The following TK1 variants were observed in gnomAD, a reference collection of about 807,000 sequenced individuals.
TK1 encodes thymidine kinase, cytosolic.
TK1 carries 13 observed loss-of-function variants against 22.4 expected under a neutral mutation model. The observed-to-expected ratio is 0.58, with a 90% CI of 0.38 to 0.92. The LOEUF is 0.92. TK1 is among the 40% of genes least tolerant of loss of function. The probability of loss-of-function intolerance (pLI) is 0.00; values close to 1 mark genes in which losing one functional copy is unlikely to be tolerated. For synonymous variants in TK1, 134 were observed against 125.4 expected (o/e 1.07, Z -0.46); for missense variants, 251 against 315.7 (o/e 0.80, Z 1.55).
At chr17:78,185,015 G>C in intron 3 of TK1, 40 bp downstream of exon 3, 1 of 1,510,370 alleles carries the variant, frequency 6.6e-7, no homozygotes. Flanking sequence ...TGTGCCTTGT[G>C]ATTTTCCACT....
intron 3 of TK1, among the ~76,000 whole-genome samples, chr17:78,184,556 G>T (rs2075766289): frequency 6.6e-6 from 1 of 152,094 alleles, no homozygotes; most frequent in Admixed American, 6.5e-5. Flanking sequence ...CAGGTGACGG[G>T]GGAGCCAGCC....
chr17:78,182,548 G>T, intron 4 of TK1, 41 bp downstream of exon 4: 1 of 1,480,284 alleles, frequency 6.8e-7, no homozygotes. Context: ...GGACAGAGCG[G>T]AAGCTGGCAG....
At chr17:78,180,589 C>A (rs1397887164) in intron 4 of TK1, among the ~76,000 whole-genome samples, 1 of 152,118 alleles carries the variant, frequency 6.6e-6, no homozygotes, top group Non-Finnish European at 1.5e-5. Flanking sequence ...TTTTCAGGAA[C>A]ATAATGGAAG....
rs760624618 is a variant in TK1, at chr17:78,182,005, C to T, written c.303+584G>A. ...CTCCTGGGCTCAAGTGATCTGTCCA[C>T]CTTGGCCTCCCACAGGCTGAGATTA... On this transcript the variant is annotated intron_variant, in intron 4 of 6. Coordinates refer to ENST00000301634, the MANE Select transcript of TK1 (RefSeq NM_003258.5). Among the ~76,000 whole-genome samples the T allele has an allele frequency of 5.7e-4, 86 of 152,174 alleles. 1 individual carries two copies. The highest frequency in any genetic ancestry group is 3.4e-3 in the Middle Eastern group (1 of 294).
rs772373348 is a variant in TK1 at position 78,187,012 on chromosome 17, C to T, written c.-18G>A. 3 of 1,588,616 alleles carry T rather than the reference C, an allele frequency of 1.9e-6. No individual in the cohort carries two copies. The highest frequency in any genetic ancestry group is 8.6e-7 in the Non-Finnish European group (1 of 1,168,148). ...CAGCTCATTGCGCCTCCGGGAAGTT[C>T]ACGAACCCGAGTACTCTCCAAGGCC... is the stretch of plus-strand genomic sequence containing the variant. On this transcript the variant is annotated 5_prime_UTR_variant, in exon 1 of 7. Coordinates refer to ENST00000301634, the MANE Select transcript of TK1 (RefSeq NM_003258.5).
chr17:78,177,905 C>G (rs1449224695), intron 4 of TK1, among the ~76,000 whole-genome samples: 2 of 152,134 alleles, frequency 1.3e-5, no homozygotes, highest in Non-Finnish European at 1.5e-5. Context: ...GAGTCTCGCT[C>G]TGTCATCCAG....
intron 4 of TK1, among the ~76,000 whole-genome samples, chr17:78,181,553 A>G (rs1278546716): frequency 6.9e-6 from 1 of 145,850 alleles, no homozygotes; most frequent in Non-Finnish European, 1.5e-5. Context: ...AAAAAAAAAA[A>G]CCCAAACCCA....
At chr17:78,179,470 C>A in intron 4 of TK1, 1 of 985,452 alleles carries the variant, frequency 1.0e-6, no homozygotes, top group Non-Finnish European at 1.2e-6. Context: ...ATGCCAGCTG[C>A]CGGGTGGTCG....
intron 4 of TK1, 33 bp from the exon 5 acceptor site, chr17:78,175,651 G>A (rs763918101): frequency 1.3e-6 from 2 of 1,590,678 alleles, no homozygotes; most frequent in East Asian, 4.5e-5. Flanking sequence ...GAGTGTGAGA[G>A]CTTCCACCCC....
At chr17:78,182,503 T>C in intron 4 of TK1, 86 bp downstream of exon 4, 1 of 1,039,502 alleles carries the variant, frequency 9.6e-7, no homozygotes, top group Non-Finnish European at 1.4e-6. Context: ...TACTAAAAGA[T>C]CAGATAACTT....
intron 4 of TK1, among the ~76,000 whole-genome samples, 165 bp from the exon 5 acceptor site, chr17:78,175,783 G>A (rs1053077696): frequency 2.0e-5 from 3 of 152,222 alleles, no homozygotes; most frequent in East Asian, 1.9e-4. Flanking sequence ...GTGTCCACCC[G>A]CACGCCCCCC....
At position 78,175,639 on chromosome 17, in the gene TK1, A is replaced by G. The variant is rs774234768; in HGVS notation, c.304-21T>C. On this transcript the variant is annotated intron_variant, in intron 4 of 6. Transcript: ENST00000301634. ...GGGAACTGGAAAGGGCACGTGGAGA[A>G]AGAGTGTGAGAGCTTCCACCCCAGC... The G allele has an allele frequency of 7.5e-6, 12 of 1,609,132 alleles. No homozygotes were observed. The South Asian group carries it at 1.3e-4, about 18-fold the overall frequency.
In TK1 at chr17:78,174,274, A is replaced by AG. The variant is rs537476526; in HGVS notation, c.*484dup. The AG allele has an allele frequency of 1.7e-4, 26 of 155,324 alleles. No homozygotes were observed. The South Asian group carries it at 4.8e-3, about 28-fold the overall frequency. The allele number at this position is 155,324 out of a possible 1,614,324, so 9.6% of individuals were successfully genotyped here. ...AGGTAGGAAGGGCTTTGAGCCCAAA[A>AG]GGAAACAAGAGGGCGTGAATCCAGG... is the stretch of plus-strand genomic sequence containing the variant. On this transcript the variant is annotated 3_prime_UTR_variant, in exon 7 of 7. Transcript: ENST00000301634.
intron 3 of TK1, among the ~76,000 whole-genome samples, chr17:78,183,217 TA>T (rs1187156324): frequency 2.6e-5 from 4 of 152,144 alleles, no homozygotes; most frequent in Non-Finnish European, 5.9e-5. Flanking sequence ...TCAATGAGAC[TA>T]AAAACTCTTC....
intron 4 of TK1, among the ~76,000 whole-genome samples, chr17:78,179,992 A>C (rs1345306668): frequency 6.6e-6 from 1 of 152,180 alleles, no homozygotes; most frequent in Non-Finnish European, 1.5e-5. Flanking sequence ...AATCACTTGA[A>C]CCTGGGAGAT....
chr17:78,176,250 T>C (rs1162029948), intron 4 of TK1, among the ~76,000 whole-genome samples: 2 of 151,078 alleles, frequency 1.3e-5, no homozygotes, highest in South Asian at 2.1e-4. Flanking sequence ...TAAAGCAAAC[T>C]TCACTTTGGC....
intron 2 of TK1, among the ~76,000 whole-genome samples, chr17:78,186,104 A>G (rs1474379093): frequency 6.6e-6 from 1 of 151,036 alleles, no homozygotes; most frequent in African/African-American, 2.5e-5. Flanking sequence ...CTATAAAAAT[A>G]AAATAAAATT....
intron 3 of TK1, among the ~76,000 whole-genome samples, chr17:78,183,578 C>A (rs1245631409): frequency 6.6e-6 from 1 of 152,060 alleles, no homozygotes; most frequent in Non-Finnish European, 1.5e-5. Flanking sequence ...GTAGTCCCAC[C>A]TGCTCAGGGG....
intron 4 of TK1, among the ~76,000 whole-genome samples, chr17:78,176,547 C>T (rs28736712): frequency 0.016 from 2,386 of 152,254 alleles, 63 homozygotes; most frequent in African/African-American, 0.054. Flanking sequence ...TGACTGATTG[C>T]GCTCAGCTGA....
Sources: allele counts gnomAD v4.1 joint callset (sites outside exome capture counted in the v4.1 genomes callset), GRCh38; gene constraint gnomAD v4.1.1; transcripts MANE v1.5; gene names NCBI Gene and HGNC (gene_info 2026-07-23, HGNC 2026-07-21).